The following ZNF385D variants were observed in gnomAD, a reference collection of about 807,000 sequenced individuals.
ZNF385D encodes zinc finger protein 385D.
A neutral mutation model predicts 35.8 loss-of-function variants in ZNF385D; 15 were observed. The observed-to-expected ratio is 0.42, with a 90% CI of 0.28 to 0.64. The LOEUF is 0.64. ZNF385D is among the 30% of genes least tolerant of loss of function. The pLI is 0.23. For missense variants in ZNF385D, 474 were observed against 494.6 expected, an observed-to-expected ratio of 0.96 and a Z score of 0.39; for synonymous variants, 212 against 186.8, an observed-to-expected ratio of 1.13 and a Z score of -1.10.
At chr3:22,187,636 A>G (rs1342984199) in intron 2 of ZNF385D, among the ~76,000 whole-genome samples, 1 of 152,178 alleles carries the variant, frequency 6.6e-6, no homozygotes, top group African/African-American at 2.4e-5. Context: ...TTTACTCAAA[A>G]TAACATTTAA....
At chr3:22,204,053 T>C (rs991305282) in intron 2 of ZNF385D, among the ~76,000 whole-genome samples, 1 of 152,060 alleles carries the variant, frequency 6.6e-6, no homozygotes, top group Admixed American at 6.6e-5. Context: ...GTGCTGGCTT[T>C]AGGTCTGATC....
intron 2 of ZNF385D, among the ~76,000 whole-genome samples, chr3:22,234,732 G>A (rs955842890): frequency 1.3e-5 from 2 of 151,982 alleles, no homozygotes; most frequent in Admixed American, 6.6e-5. Context: ...TGATTGGAAT[G>A]TGTTTCCTTT....
intron 3 of ZNF385D, among the ~76,000 whole-genome samples, chr3:22,079,682 C>G (rs1355359161): frequency 1.3e-5 from 2 of 151,920 alleles, no homozygotes; most frequent in African/African-American, 4.8e-5. Context: ...CATAAGGTAT[C>G]CAAAACCAGA....
chr3:22,239,192 T>C (rs1699354325), intron 2 of ZNF385D, among the ~76,000 whole-genome samples: 1 of 151,250 alleles, frequency 6.6e-6, no homozygotes, highest in South Asian at 2.1e-4. Context: ...TGGAAAACTA[T>C]GATTCATTGC....
At chr3:22,265,102 C>G (rs1700830703) in intron 2 of ZNF385D, among the ~76,000 whole-genome samples, 1 of 151,938 alleles carries the variant, frequency 6.6e-6, no homozygotes, top group East Asian at 1.9e-4. Flanking sequence ...CAAAGGAGAT[C>G]TGCCCCAGTA....
rs1427923971 is a variant in ZNF385D at position 21,758,652 on chromosome 3, GATTA to G, written c.326-93628_326-93625del. Among the ~76,000 whole-genome samples, 15 of 152,218 alleles carry G rather than the reference GATTA, an allele frequency of 9.9e-5. 2 individuals are homozygous for G. In the East Asian group the frequency reaches 1.7e-3, roughly 18 times the overall value. On this transcript the variant is annotated intron_variant, in intron 3 of 5. Coordinates refer to the ZNF385D transcript ENST00000494108. ...AGGCTTTTGTTTGTACATTTGCCCT[GATTA>G]ATTGATAGTCCTGATCCCCTTGCAG...
intron 3 of ZNF385D, among the ~76,000 whole-genome samples, chr3:22,144,604 C>T (rs528409356): frequency 2.2e-5 from 3 of 137,240 alleles, no homozygotes; most frequent in Admixed American, 7.4e-5. Context: ...AAAAAAAGAA[C>T]GCCTTTCAAA....
At chr3:21,641,050 C>G (rs1168220741) in intron 2 of ZNF385D, among the ~76,000 whole-genome samples, 1 of 152,088 alleles carries the variant, frequency 6.6e-6, no homozygotes, top group African/African-American at 2.4e-5. Context: ...CCAAGACTGT[C>G]TGGATGCCCA....
chr3:22,138,246 G>T (rs1445317595), intron 3 of ZNF385D, among the ~76,000 whole-genome samples: 1 of 152,128 alleles, frequency 6.6e-6, no homozygotes, highest in African/African-American at 2.4e-5. Context: ...ACTGCCCAAG[G>T]CAATTTATAG....
At chr3:22,041,900 G>A (rs997726010) in intron 3 of ZNF385D, among the ~76,000 whole-genome samples, 2 of 152,016 alleles carry the variant, frequency 1.3e-5, no homozygotes, top group Admixed American at 1.3e-4. Flanking sequence ...TAATATTGAA[G>A]AAAGAATTTC....
intron 2 of ZNF385D, among the ~76,000 whole-genome samples, chr3:22,362,686 T>C (rs1696469675): frequency 6.6e-6 from 1 of 152,098 alleles, no homozygotes; most frequent in African/African-American, 2.4e-5. Flanking sequence ...AAAAGTATAA[T>C]TCAAATAGAG....
chr3:22,024,117 C>A (rs1205531512), intron 3 of ZNF385D, among the ~76,000 whole-genome samples: 1 of 152,072 alleles, frequency 6.6e-6, no homozygotes, highest in Non-Finnish European at 1.5e-5. Context: ...CAGAAAAAAA[C>A]ATGAAGGAGC....
At chr3:22,129,603 T>C (rs1387914633) in intron 3 of ZNF385D, among the ~76,000 whole-genome samples, 1 of 152,152 alleles carries the variant, frequency 6.6e-6, no homozygotes, top group Admixed American at 6.6e-5. Context: ...CCCACGGCCA[T>C]AACTGACCCA....
chr3:21,684,924 C>A (rs1228822385), intron 1 of ZNF385D, among the ~76,000 whole-genome samples: 2 of 152,118 alleles, frequency 1.3e-5, no homozygotes, highest in African/African-American at 2.4e-5. Flanking sequence ...ATGCATTTTG[C>A]TAGTTCAGCA....
chr3:21,983,169 T>TATTA (rs202233092), intron 3 of ZNF385D, among the ~76,000 whole-genome samples: 31 of 146,918 alleles, frequency 2.1e-4, no homozygotes, highest in South Asian at 6.4e-4. Context: ...ATTTTATTAT[T>TATTA]TTTTTTTATT....
At chr3:22,327,123 T>A (rs9865626) in intron 2 of ZNF385D, among the ~76,000 whole-genome samples, 3 of 151,944 alleles carry the variant, frequency 2.0e-5, no homozygotes, top group Admixed American at 6.6e-5. Flanking sequence ...ATTCTGAAGA[T>A]TGTCGGAAAG....
chr3:21,978,516 T>C (rs969054063), intron 3 of ZNF385D, among the ~76,000 whole-genome samples: 4 of 152,232 alleles, frequency 2.6e-5, no homozygotes, highest in East Asian at 3.8e-4. Context: ...ACTTAAGTTA[T>C]TGCTAAATTG....
chr3:21,853,758 A>G (rs925337491), intron 3 of ZNF385D, among the ~76,000 whole-genome samples: 2 of 151,896 alleles, frequency 1.3e-5, no homozygotes, highest in Non-Finnish European at 2.9e-5. Flanking sequence ...AGGGCCAAGA[A>G]TAATTTCTTC....
At chr3:21,796,895 G>A (rs918984418) in intron 3 of ZNF385D, among the ~76,000 whole-genome samples, 11 of 152,268 alleles carry the variant, frequency 7.2e-5, no homozygotes, top group Admixed American at 5.9e-4. Context: ...GGGTGATACA[G>A]GACTCTGAGT....
Sources: allele counts gnomAD v4.1 joint callset (sites outside exome capture counted in the v4.1 genomes callset), GRCh38; gene constraint gnomAD v4.1.1; transcripts MANE v1.5; gene names NCBI Gene and HGNC (gene_info 2026-07-23, HGNC 2026-07-21).